RTN1: variants seen among roughly 807,000 people sequenced by gnomAD.
RTN1 encodes reticulon 1, also known as reticulon-1.
In RTN1, 25 loss-of-function variants were observed where a neutral mutation model predicts 65.5. The ratio of observed to expected loss-of-function variants is 0.38; its 90% CI spans 0.28 to 0.53. The LOEUF is 0.53. Ranked by LOEUF, RTN1 falls within the 20% of genes least tolerant of loss-of-function variation. The pLI is 0.79. For missense variants in RTN1, 983 were observed against 1,025.4 expected (o/e 0.96, Z 0.57); for synonymous variants, 471 against 447.6 (o/e 1.05, Z -0.66).
At chr14:59,862,631 G>C (rs1449213504) in intron 1 of RTN1, among the ~76,000 whole-genome samples, 2 of 152,064 alleles carry the variant, frequency 1.3e-5, no homozygotes, top group Non-Finnish European at 2.9e-5. Flanking sequence ...ATACTGCCTT[G>C]CATATATCCT....
intron 1 of RTN1, among the ~76,000 whole-genome samples, chr14:59,796,560 T>C (rs1042048530): frequency 1.3e-5 from 2 of 152,204 alleles, no homozygotes; most frequent in Non-Finnish European, 2.9e-5. Flanking sequence ...TAACACTCTA[T>C]ACCCTTTTAC....
At position 59,743,255 on chromosome 14, in the gene RTN1, A is replaced by AGGG. The variant is rs1171151799; in HGVS notation, c.1015+2452_1015+2453insCCC. Among the ~76,000 whole-genome samples the AGGG allele has an allele frequency of 3.5e-3, 527 of 152,284 alleles. 5 individuals carry two copies. Among genetic ancestry groups the AGGG allele is most frequent in the African/African-American group, 0.01 (436 of 41,560 alleles). The stretch of plus-strand genomic sequence containing the variant: ...GGGCCATGGCTACTTAAAAATGGAA[A>AGGG]TTCCCTAAAAATTAATGGACCCTTT... On this transcript the variant is annotated intron_variant, in intron 2 of 8. Coordinates refer to ENST00000267484, the MANE Select transcript of RTN1 (RefSeq NM_021136.3).
chr14:59,787,935 A>G (rs942965365), intron 1 of RTN1, among the ~76,000 whole-genome samples: 3 of 152,068 alleles, frequency 2.0e-5, no homozygotes, highest in African/African-American at 4.8e-5. Context: ...CTTTCCCTAT[A>G]CCTGTATTTA....
chr14:59,833,629 C>T (rs956444354), intron 1 of RTN1, among the ~76,000 whole-genome samples: 2 of 151,834 alleles, frequency 1.3e-5, no homozygotes, highest in Admixed American at 1.3e-4. Flanking sequence ...TAACTTTGTC[C>T]CCCAGGTAAT....
At chr14:59,746,674 G>A (rs983510492) in intron 1 of RTN1, among the ~76,000 whole-genome samples, 193 bp from the exon 2 acceptor site, 7 of 152,088 alleles carry the variant, frequency 4.6e-5, no homozygotes, top group African/African-American at 1.7e-4. Flanking sequence ...CATACTTGTG[G>A]TATTTTTCCA....
In RTN1 at chr14:59,829,147, C is replaced by A. The variant is rs1887083339; in HGVS notation, c.241+41243G>T. 6.6e-6 allele frequency among the ~76,000 whole-genome samples: 1 copy of A among 152,130 alleles called. No individual in the cohort carries two copies. The highest frequency in any genetic ancestry group is 2.1e-4 in the South Asian group (1 of 4,826). On this transcript the variant is annotated intron_variant, in intron 1 of 8. Transcript: ENST00000267484. The surrounding 1 kb of genome is among the most constrained non-coding windows in gnomAD (Gnocchi z 4.3). ...TAAAAGGCAACTACACAGCAATACA[C>A]CGTTCATTAATTAACATTTTAAAGT...
intron 3 of RTN1, among the ~76,000 whole-genome samples, chr14:59,704,629 G>A (rs1388233702): frequency 1.3e-5 from 2 of 152,180 alleles, no homozygotes; most frequent in African/African-American, 4.8e-5. Context: ...ATTCAGCATT[G>A]TGCTGTGCAG....
At chr14:59,837,796 C>T (rs997778719) in intron 1 of RTN1, among the ~76,000 whole-genome samples, 4 of 151,960 alleles carry the variant, frequency 2.6e-5, no homozygotes, top group African/African-American at 4.8e-5. Flanking sequence ...GCTGGAAATA[C>T]ATATCAGGTC....
At chr14:59,679,771 C>A (rs1883706141) in intron 3 of RTN1, among the ~76,000 whole-genome samples, 1 of 152,212 alleles carries the variant, frequency 6.6e-6, no homozygotes, top group African/African-American at 2.4e-5. Flanking sequence ...GTTCACAGTT[C>A]TCTGAAATAT....
At chr14:59,762,130 A>G (rs6573283) in intron 1 of RTN1, among the ~76,000 whole-genome samples, 69,939 of 151,842 alleles carry the variant, frequency 0.46, 17,901 homozygotes, top group African/African-American at 0.69. Flanking sequence ...GGCATGGCAT[A>G]GTGTGTGGTG....
intron 3 of RTN1, among the ~76,000 whole-genome samples, chr14:59,617,382 G>C (rs1241270985): frequency 2.0e-5 from 3 of 152,156 alleles, no homozygotes; most frequent in African/African-American, 4.8e-5. Flanking sequence ...CTTTTAAAAA[G>C]TATTATCTAA....
At chr14:59,749,154 C>CTATATATATCTA (rs373547018) in intron 1 of RTN1, among the ~76,000 whole-genome samples, 2 of 59,240 alleles carry the variant, frequency 3.4e-5, no homozygotes, top group East Asian at 4.6e-4. Context: ...ATCTATCTAT[C>CTATATATATCTA]TATATCTATC....
intron 3 of RTN1, among the ~76,000 whole-genome samples, chr14:59,676,327 T>C (rs913469727): frequency 1.1e-4 from 16 of 152,226 alleles, no homozygotes; most frequent in African/African-American, 2.9e-4. Flanking sequence ...TCTAAGTATA[T>C]AGCAAGTGCT....
At chr14:59,751,303 T>C (rs1205692915) in intron 1 of RTN1, among the ~76,000 whole-genome samples, 2 of 147,132 alleles carry the variant, frequency 1.4e-5, no homozygotes, top group African/African-American at 2.5e-5. Flanking sequence ...TTCCTAAGCA[T>C]AGATAGAACA....
chr14:59,676,594 G>A (rs1883632800), intron 3 of RTN1, among the ~76,000 whole-genome samples: 2 of 152,156 alleles, frequency 1.3e-5, no homozygotes, highest in South Asian at 4.1e-4. Flanking sequence ...AGTATGTATT[G>A]ATCAAAGAGG....
At chr14:59,682,737 TA>T (rs745866355) in intron 3 of RTN1, among the ~76,000 whole-genome samples, 1 of 152,154 alleles carries the variant, frequency 6.6e-6, no homozygotes, top group Non-Finnish European at 1.5e-5. Flanking sequence ...TAAGCATTGC[TA>T]AAAAAGGCTT....
intron 1 of RTN1, among the ~76,000 whole-genome samples, chr14:59,833,574 T>G (rs1887164001): frequency 6.6e-6 from 1 of 152,184 alleles, no homozygotes. Flanking sequence ...ATGTACAGGT[T>G]TCTTACATGG....
At position 59,719,556 on chromosome 14, in the gene RTN1, C is replaced by T. The variant is rs541354307; in HGVS notation, c.1765+7363G>A. On this transcript the variant is annotated intron_variant, in intron 3 of 8. Coordinates refer to ENST00000267484, the MANE Select transcript of RTN1 (RefSeq NM_021136.3). ...CTACATTGCTAGTGTCAGGCACATC[C>T]TATGCCATATTGGTTGAATCAAAGG... Among the ~76,000 whole-genome samples, 23 of 152,360 alleles carry T rather than the reference C, an allele frequency of 1.5e-4. No homozygotes were observed. In the East Asian group the frequency reaches 4.4e-3, roughly 29 times the overall value.
At chr14:59,857,755 T>C (rs1049150908) in intron 1 of RTN1, among the ~76,000 whole-genome samples, 2 of 152,204 alleles carry the variant, frequency 1.3e-5, no homozygotes, top group Non-Finnish European at 2.9e-5. Context: ...TTAACATAGC[T>C]CTGTGATATT....
Sources: allele counts gnomAD v4.1 joint callset (sites outside exome capture counted in the v4.1 genomes callset), GRCh38; gene constraint gnomAD v4.1.1; non-coding constraint Gnocchi (gnomAD v3.1); transcripts MANE v1.5; gene names NCBI Gene and HGNC (gene_info 2026-07-23, HGNC 2026-07-21).